Variants in VPS37C observed in about 807,000 individuals in gnomAD.
The protein encoded by VPS37C is VPS37C subunit of ESCRT-I.
VPS37C carries 9 observed loss-of-function variants against 16.1 expected under a neutral mutation model. The ratio of observed to expected loss-of-function variants is 0.56; its 90% CI spans 0.34 to 0.97. The LOEUF is 0.97. VPS37C is among the 50% of genes least tolerant of loss of function. VPS37C has a pLI of 0.02. For missense variants in VPS37C, 479 were observed against 472.7 expected, an observed-to-expected ratio of 1.01 and a Z score of -0.12; for synonymous variants, 207 against 206.4, an observed-to-expected ratio of 1.00 and a Z score of -0.02.
chr11:61,154,638 A>G (rs672162), intron 1 of VPS37C, among the ~76,000 whole-genome samples: 106,939 of 151,824 alleles, frequency 0.7, 38,441 homozygotes, highest in East Asian at 1. Flanking sequence ...GAGAGGAAAG[A>G]GAAAAGGGAA....
At chr11:61,158,648 A>T (rs528689509) in intron 1 of VPS37C, among the ~76,000 whole-genome samples, 2 of 152,290 alleles carry the variant, frequency 1.3e-5, no homozygotes, top group African/African-American at 2.4e-5. Context: ...AAATACTAAC[A>T]GGTCTTCAAA....
intron 2 of VPS37C, chr11:61,138,271 A>G (rs1382372576): frequency 1.2e-5 from 2 of 161,086 alleles, no homozygotes; most frequent in East Asian, 3.4e-4. Flanking sequence ...TTCTTTCCTC[A>G]AGGAGTCTGT....
chr11:61,133,215 AC>A (rs1284683609), intron 4 of VPS37C, 39 bp downstream of exon 4: 1 of 1,606,500 alleles, frequency 6.2e-7, no homozygotes, highest in African/African-American at 1.3e-5. Context: ...AGGGACTGAC[AC>A]CCCGTCCAGG....
intron 2 of VPS37C, among the ~76,000 whole-genome samples, chr11:61,137,545 G>GCTTA (rs1861399780): frequency 6.6e-6 from 1 of 152,204 alleles, no homozygotes; most frequent in African/African-American, 2.4e-5. Flanking sequence ...TGCTCACAGT[G>GCTTA]CTTAATATGT....
chr11:61,147,642 G>C (rs1853233282), intron 1 of VPS37C, among the ~76,000 whole-genome samples: 1 of 151,768 alleles, frequency 6.6e-6, no homozygotes, highest in South Asian at 2.1e-4. Context: ...AAGCTAATCA[G>C]CTCAAAAACA....
chr11:61,133,123 T>C, intron 4 of VPS37C, 132 bp downstream of exon 4: 1 of 975,866 alleles, frequency 1.0e-6, no homozygotes, highest in Non-Finnish European at 1.6e-6. Flanking sequence ...ACTAAAGATG[T>C]CCTTCACCTC....
chr11:61,133,413 C>G, intron 3 of VPS37C, 76 bp from the exon 4 acceptor site: 1 of 1,423,088 alleles, frequency 7.0e-7, no homozygotes, highest in South Asian at 1.2e-5. Context: ...TGCATACCCT[C>G]TGTGTGCATC....
Position 61,132,213 on chromosome 11 carries a change from C to T in VPS37C, c.675G>A (p.Pro225=), listed in dbSNP as rs921160492. ...GCTGGGACACTACTGGGAAAGGGGCCGGTGGCAGGGCTCCATGGGCAGTGG... is the reference window on the plus strand; with the variant it reads ...GCTGGGACACTACTGGGAAAGGGGCTGGTGGCAGGGCTCCATGGGCAGTGG... ...VGPTAHGALP[P]APFPVVSQPS... Residue 225 remains proline (P), a synonymous_variant, in exon 5 of 5, where the codon CCG becomes CCA. Transcript: ENST00000301765. 53 of 1,504,636 alleles carry T rather than the reference C, an allele frequency of 3.5e-5. No homozygotes were observed. Among genetic ancestry groups the T allele is most frequent in the Non-Finnish European group, 4.2e-5 (47 of 1,126,954 alleles). 93.2% of individuals were successfully genotyped at this position (1,504,636 alleles called of 1,614,324 possible). A position where few individuals can be genotyped will look rare whatever the true frequency, so the allele number is the denominator to read the frequency against.
At chr11:61,161,315 C>G (rs1169784450) in intron 1 of VPS37C, 76 bp downstream of exon 1, 1 of 151,922 alleles carries the variant, frequency 6.6e-6, no homozygotes, top group African/African-American at 2.4e-5. Context: ...GGAGCCACGG[C>G]CGGCGCCGCC....
At chr11:61,161,283 G>A (rs936943293) in intron 1 of VPS37C, 108 bp downstream of exon 1, 1 of 152,086 alleles carries the variant, frequency 6.6e-6, no homozygotes, top group Non-Finnish European at 1.5e-5. Context: ...CCAGGATGAG[G>A]CGGGCAGGCG....
chr11:61,138,717 C>A lies in VPS37C; in HGVS notation c.93+20G>T, dbSNP rs1861422845. 2 of 1,612,846 alleles carry A rather than the reference C, an allele frequency of 1.2e-6. No homozygotes were observed. The highest frequency in any genetic ancestry group is 2.2e-5 in the South Asian group (2 of 91,066). Reference sequence around the variant, plus strand: ...CTCATCTGCTGGCCTCTGTTGGGTCCCATACCAGCCTCCCTCTACCTCAGG... The same window carrying A: ...CTCATCTGCTGGCCTCTGTTGGGTCACATACCAGCCTCCCTCTACCTCAGG... On this transcript the variant is annotated intron_variant, in intron 2 of 4. Transcript: ENST00000301765.
At position 61,132,650 on chromosome 11, in the gene VPS37C, AC is replaced by A. The variant is rs1861293226; in HGVS notation, c.349-112del. The A allele has an allele frequency of 6.3e-6, 9 of 1,418,796 alleles. 1 individual carries two copies. The highest frequency in any genetic ancestry group is 2.9e-5 in the African/African-American group (2 of 69,728). The allele number at this position is 1,418,796 out of a possible 1,614,324, so 87.9% of individuals were successfully genotyped here. A position where few individuals can be genotyped will look rare whatever the true frequency, so the allele number is the denominator to read the frequency against. The stretch of plus-strand genomic sequence containing the variant: ...CCTCCCACCTCACGCCGCCTCAGGC[AC>A]CCCCTCCTCTTCCCTGCCCATACGC... On this transcript the variant is annotated intron_variant, in intron 4 of 4. Coordinates refer to ENST00000301765, the MANE Select transcript of VPS37C (RefSeq NM_017966.5).
rs1861237663 is a variant in VPS37C at position 61,130,707 on chromosome 11, A to G, written c.*1113T>C. ...CACAGTGCAGGGGGCTGCATATTAA[A>G]CAGAGACATAATCCCCACCCTTTAC... On this transcript the variant is annotated 3_prime_UTR_variant, in exon 5 of 5. Transcript: ENST00000301765. The G allele has an allele frequency of 2.5e-6, 1 of 395,454 alleles. No homozygotes were observed. The highest frequency in any genetic ancestry group is 2.2e-5 in the African/African-American group (1 of 45,556). The allele number at this position is 395,454 out of a possible 1,614,324, so 24.5% of individuals were successfully genotyped here.
intron 1 of VPS37C, among the ~76,000 whole-genome samples, chr11:61,151,831 A>C (rs980373552): frequency 3.3e-5 from 5 of 152,250 alleles, no homozygotes; most frequent in African/African-American, 1.2e-4. Context: ...GAAACAGGTG[A>C]TTTAATAGGT....
At chr11:61,150,977 C>T (rs564884117) in intron 1 of VPS37C, among the ~76,000 whole-genome samples, 1 of 152,318 alleles carries the variant, frequency 6.6e-6, no homozygotes, top group South Asian at 2.1e-4. Flanking sequence ...TAAGGTAATC[C>T]TCACCGCTCC....
In VPS37C at chr11:61,159,719, A is replaced by T. The variant is rs560086467; in HGVS notation, c.-7+1672T>A. On this transcript the variant is annotated intron_variant, in intron 1 of 4. Coordinates refer to ENST00000301765, the MANE Select transcript of VPS37C (RefSeq NM_017966.5). ...ACAGAGCGAGACTCCGTCTCAAAAA[A>T]AAATAAATAAATAAATAAATAAAAA... 1.1e-3 allele frequency among the ~76,000 whole-genome samples: 90 copies of T among 82,972 alleles called. 1 individual carries two copies. Among genetic ancestry groups the T allele is most frequent in the East Asian group, 7.8e-3 (1 of 128 alleles). 54.4% of individuals were successfully genotyped at this position (82,972 alleles called of 152,430 possible). A position where few individuals can be genotyped will look rare whatever the true frequency, so the allele number is the denominator to read the frequency against.
intron 1 of VPS37C, among the ~76,000 whole-genome samples, chr11:61,159,271 T>TG (rs1853425454): frequency 6.6e-6 from 1 of 152,232 alleles, no homozygotes; most frequent in Non-Finnish European, 1.5e-5. Flanking sequence ...TTAAAGGCAG[T>TG]GTTTCCCAAA....
chr11:61,136,208 C>T (rs1181367295), intron 2 of VPS37C, among the ~76,000 whole-genome samples: 1 of 146,362 alleles, frequency 6.8e-6, no homozygotes, highest in Non-Finnish European at 1.5e-5. Context: ...CTCTGTTGCC[C>T]AGGCTGGAGT....
At chr11:61,142,975 T>TAAAAAAAAAAAAAAAAAAAAAAAAAAAAA in intron 1 of VPS37C, among the ~76,000 whole-genome samples, 1 of 47,588 alleles carries the variant, frequency 2.1e-5, no homozygotes. Context: ...AAAGAATAGC[T>TAAAAAAAAAAAAAAAAAAAAAAAAAAAAA]AAAAAAAAAA....
Sources: gnomAD v4.1 joint callset for allele counts (sites outside exome capture counted in the v4.1 genomes callset) on GRCh38, gnomAD v4.1.1 for gene constraint, MANE v1.5 for transcripts, NCBI Gene and HGNC (gene_info 2026-07-23, HGNC 2026-07-21) for gene names.